Variants in TRIB2 observed in about 807,000 individuals in gnomAD.
TRIB2 encodes tribbles homolog 2.
A neutral mutation model predicts 26.8 loss-of-function variants in TRIB2; 2 were observed. That is an observed-to-expected ratio of 0.07 (90% CI 0.03 to 0.24). TRIB2 has a LOEUF of 0.24. TRIB2 is among the 10% of genes least tolerant of loss of function. The pLI, the probability that TRIB2 is intolerant of heterozygous loss-of-function variation, is 1.00. For synonymous variants in TRIB2, 189 were observed against 187.3 expected (o/e 1.01, Z -0.08); for missense variants, 306 against 449.0 (o/e 0.68, Z 2.88).
chr2:12,737,002 G>C (rs1170541453), intron 2 of TRIB2, among the ~76,000 whole-genome samples: 1 of 152,162 alleles, frequency 6.6e-6, no homozygotes, highest in Non-Finnish European at 1.5e-5. Flanking sequence ...TGTGGCAAAG[G>C]CCTCAGAAGG....
At position 12,718,765 on chromosome 2, in the gene TRIB2, C is replaced by A. The variant is rs995078735; in HGVS notation, c.270+188C>A. 2.6e-5 allele frequency among the ~76,000 whole-genome samples: 4 copies of A among 151,488 alleles called. No individual in the cohort carries two copies. Among genetic ancestry groups the A allele is most frequent in the African/African-American group, 9.7e-5 (4 of 41,168 alleles). On this transcript the variant is annotated intron_variant, in intron 1 of 2. Coordinates refer to ENST00000155926, the MANE Select transcript of TRIB2 (RefSeq NM_021643.4). The surrounding 1 kb of genome is among the most constrained non-coding windows in gnomAD (Gnocchi z 4.0). The stretch of plus-strand genomic sequence containing the variant: ...TTTTAGACCGTTTCAGACAATGGGG[C>A]GGGCGGCAGTGGGGGCGTTTCGGGG...
chr2:12,739,397 T>C lies in TRIB2; in HGVS notation c.564-929T>C, dbSNP rs553420903. 3.3e-5 allele frequency among the ~76,000 whole-genome samples: 5 copies of C among 152,298 alleles called. No individual in the cohort carries two copies. In the South Asian group the frequency reaches 1.0e-3, roughly 32 times the overall value. ...GCCTCGGCCTCCTGAGCATCTGGGA[T>C]TACAGGTGTGCACCACCACGCTCTG... On this transcript the variant is annotated intron_variant, in intron 2 of 2. Transcript: ENST00000155926.
At chr2:12,729,394 AAGAG>A (rs1377245021) in intron 2 of TRIB2, among the ~76,000 whole-genome samples, 5 of 152,138 alleles carry the variant, frequency 3.3e-5, no homozygotes, top group African/African-American at 4.8e-5. Flanking sequence ...TAATGACAGA[AAGAG>A]AGAGGCAGGG....
chr2:12,735,999 A>C (rs911812472), intron 2 of TRIB2, among the ~76,000 whole-genome samples: 4 of 152,122 alleles, frequency 2.6e-5, no homozygotes, highest in African/African-American at 9.7e-5. Flanking sequence ...GTGAAAGGTG[A>C]ACTCCAGCTT....
At chr2:12,734,451 A>G (rs1661526917) in intron 2 of TRIB2, among the ~76,000 whole-genome samples, 1 of 152,110 alleles carries the variant, frequency 6.6e-6, no homozygotes, top group South Asian at 2.1e-4. Flanking sequence ...CCCAGGAAGG[A>G]ACGAGAATTC....
Position 12,732,323 on chromosome 2 carries a change from CTG to C in TRIB2, c.564-8000_564-7999del, listed in dbSNP as rs1661474687. Among the ~76,000 whole-genome samples the C allele has an allele frequency of 6.6e-6, 1 of 152,150 alleles. No homozygotes were observed. The highest frequency in any genetic ancestry group is 1.5e-5 in the Non-Finnish European group (1 of 68,038). The stretch of plus-strand genomic sequence containing the variant: ...AGTCAGATTGGGTTTCCCATCCCAA[CTG>C]TGCTATTTCCAAGCAAGTTCCTTCA... On this transcript the variant is annotated intron_variant, in intron 2 of 2. Transcript: ENST00000155926. The surrounding 1 kb of genome is among the most constrained non-coding windows in gnomAD (Gnocchi z 4.2).
chr2:12,740,861 G>T lies in TRIB2; in HGVS notation c.*67G>T. 2 of 1,431,824 alleles carry T rather than the reference G, an allele frequency of 1.4e-6. No individual in the cohort carries two copies. Among genetic ancestry groups the T allele is most frequent in the Non-Finnish European group, 9.6e-7 (1 of 1,044,044 alleles). The allele number at this position is 1,431,824 out of a possible 1,614,324, so 88.7% of individuals were successfully genotyped here. On this transcript the variant is annotated 3_prime_UTR_variant, in exon 3 of 3. Coordinates refer to ENST00000155926, the MANE Select transcript of TRIB2 (RefSeq NM_021643.4). This position sits in a 1 kb window ranked among gnomAD's most constrained non-coding sequence, Gnocchi z 5.8. ...GAGGGCAGCGGAAAGGAGTTCTTCC[G>T]GGGGACACGAATTGCCTGGCTGAGT...
At chr2:12,730,780 C>A (rs1287291630) in intron 2 of TRIB2, among the ~76,000 whole-genome samples, 1 of 152,178 alleles carries the variant, frequency 6.6e-6, no homozygotes, top group South Asian at 2.1e-4. Flanking sequence ...GAAAAATCAA[C>A]TAGCCATATT....
intron 2 of TRIB2, among the ~76,000 whole-genome samples, chr2:12,736,220 A>G (rs1227611593): frequency 6.6e-6 from 1 of 152,164 alleles, no homozygotes; most frequent in Admixed American, 6.5e-5. Context: ...GTGAGCTGAC[A>G]CAGTCGGGGA....
Position 12,717,818 on chromosome 2 carries a change from T to C in TRIB2, c.-490T>C, listed in dbSNP as rs1666629226. 3.8e-6 allele frequency: 1 copy of C among 260,830 alleles called. No individual in the cohort carries two copies. 16.2% of individuals were successfully genotyped at this position (260,830 alleles called of 1,614,324 possible). A position where few individuals can be genotyped will look rare whatever the true frequency, so the allele number is the denominator to read the frequency against. ...AGACCCGTGCTTGTTTCCTTTCTCT[T>C]TTTGTTTGGCTTCTAACGCGTTGGG... is the stretch of plus-strand genomic sequence containing the variant. On this transcript the variant is annotated 5_prime_UTR_variant, in exon 1 of 3. Coordinates refer to ENST00000155926, the MANE Select transcript of TRIB2 (RefSeq NM_021643.4). The surrounding 1 kb of genome is among the most constrained non-coding windows in gnomAD (Gnocchi z 4.8).
At chr2:12,723,664 GA>G in intron 2 of TRIB2, 112 bp downstream of exon 2, 1 of 1,313,480 alleles carries the variant, frequency 7.6e-7, no homozygotes. Context: ...CAGATGAGGG[GA>G]AGGAATCTTA....
At chr2:12,726,325 T>C (rs76440188) in intron 2 of TRIB2, among the ~76,000 whole-genome samples, 3,204 of 152,360 alleles carry the variant, frequency 0.021, 133 homozygotes, top group African/African-American at 0.073. Flanking sequence ...CTGCTTTTTG[T>C]TCCACAATGT....
At position 12,718,013 on chromosome 2, in the gene TRIB2, A is replaced by G. The variant is rs1049160932; in HGVS notation, c.-295A>G. On this transcript the variant is annotated 5_prime_UTR_variant, in exon 1 of 3. Coordinates refer to ENST00000155926, the MANE Select transcript of TRIB2 (RefSeq NM_021643.4). This position sits in a 1 kb window ranked among gnomAD's most constrained non-coding sequence, Gnocchi z 4.0. ...CCAGATCCACGCCGGGGACACACAC[A>G]CAGAGTAACTAAAAGTGCGGCGATT... 13 of 429,702 alleles carry G rather than the reference A, an allele frequency of 3.0e-5. No homozygotes were observed. In the South Asian group the frequency reaches 4.4e-4, roughly 14 times the overall value. 26.6% of individuals were successfully genotyped at this position (429,702 alleles called of 1,614,324 possible).
chr2:12,735,876 T>C (rs78536235), intron 2 of TRIB2, among the ~76,000 whole-genome samples: 569 of 152,262 alleles, frequency 3.7e-3, no homozygotes, highest in Non-Finnish European at 5.2e-3. Flanking sequence ...GTTGGATACA[T>C]GAGCTTAGGG....
rs1463527299 is a variant in TRIB2, at chr2:12,740,231, G to T, written c.564-95G>T. ...GTGAATGAATGAATGTGAATGAGGA[G>T]TCTTCAGAAACACTATAGTCGGTTA... On this transcript the variant is annotated intron_variant, in intron 2 of 2. Transcript: ENST00000155926. This position sits in a 1 kb window ranked among gnomAD's most constrained non-coding sequence, Gnocchi z 5.8. The T allele has an allele frequency of 1.3e-5, 16 of 1,190,092 alleles. No individual in the cohort carries two copies. The highest frequency in any genetic ancestry group is 1.8e-5 in the Non-Finnish European group (15 of 832,616). 73.7% of individuals were successfully genotyped at this position (1,190,092 alleles called of 1,614,324 possible). A position where few individuals can be genotyped will look rare whatever the true frequency, so the allele number is the denominator to read the frequency against.
rs533513966 is a variant in TRIB2, at chr2:12,726,481, T to C, written c.563+2929T>C. ...CAAGTGTCAGGGGCCCAGGACCTCA[T>C]TGGCTCCATGCTTGCTGCTGGGAAC... is the stretch of plus-strand genomic sequence containing the variant. On this transcript the variant is annotated intron_variant, in intron 2 of 2. Transcript: ENST00000155926. 1.1e-4 allele frequency among the ~76,000 whole-genome samples: 17 copies of C among 152,342 alleles called. No individual in the cohort carries two copies. The South Asian group carries it at 1.2e-3, about 11-fold the overall frequency.
Position 12,723,545 on chromosome 2 carries a change from G to C in TRIB2, c.556G>C (p.Glu186Gln). ...LKLRKFIFKD[E>Q]ERTRVKLESL... is the part of the protein sequence containing the mutation. ...GCTGCGGAAATTCATCTTTAAGGACGAAGAGAGGTAGGTCTCATCCTGTCC... is the reference window on the plus strand; with the variant it reads ...GCTGCGGAAATTCATCTTTAAGGACCAAGAGAGGTAGGTCTCATCCTGTCC... Residue 186 changes from glutamate (E) to glutamine (Q), a missense_variant, in exon 2 of 3, where the codon GAA becomes CAA. Glu to Gln is a conservative substitution (Grantham distance 29, BLOSUM62 2). Coordinates refer to ENST00000155926, the MANE Select transcript of TRIB2 (RefSeq NM_021643.4). The C allele has an allele frequency of 6.2e-7, 1 of 1,613,736 alleles. No individual in the cohort carries two copies. Among genetic ancestry groups the C allele is most frequent in the Non-Finnish European group, 8.5e-7 (1 of 1,179,818 alleles).
In TRIB2 at chr2:12,716,998, G is replaced by C. The variant is rs1666605132; in HGVS notation, c.-1310G>C. 1.2e-5 allele frequency: 2 copies of C among 164,292 alleles called. No individual in the cohort carries two copies. The highest frequency in any genetic ancestry group is 2.6e-5 in the Non-Finnish European group (2 of 76,812). The allele number at this position is 164,292 out of a possible 1,614,324, so 10.2% of individuals were successfully genotyped here. The stretch of plus-strand genomic sequence containing the variant: ...GCACTCACGGCCCCGCTCGCTCCGA[G>C]ATCCCCGGCCACGTAAGTAACTATT... On this transcript the variant is annotated 5_prime_UTR_variant, in exon 1 of 3. Transcript: ENST00000155926.
intron 2 of TRIB2, among the ~76,000 whole-genome samples, chr2:12,739,915 T>C (rs545102993): frequency 1.3e-5 from 2 of 152,366 alleles, no homozygotes; most frequent in East Asian, 3.9e-4. Context: ...TAGACAAAGC[T>C]GTGGGCTTCC....
Sources: allele counts gnomAD v4.1 joint callset (sites outside exome capture counted in the v4.1 genomes callset), GRCh38; gene constraint gnomAD v4.1.1; non-coding constraint Gnocchi (gnomAD v3.1); transcripts MANE v1.5; gene names NCBI Gene and HGNC (gene_info 2026-07-23, HGNC 2026-07-21).